Variants in LRIF1 observed in about 807,000 individuals in gnomAD.
LRIF1 encodes ligand-dependent nuclear receptor-interacting factor 1.
In LRIF1, 32 loss-of-function variants were observed where a neutral mutation model predicts 52.7. The ratio of observed to expected loss-of-function variants is 0.61; its 90% CI spans 0.46 to 0.82. The LOEUF (loss-of-function observed/expected upper bound fraction) is 0.82, where lower values mean the gene tolerates loss of function less well. Ranked by LOEUF, LRIF1 falls within the 40% of genes least tolerant of loss-of-function variation. LRIF1 has a pLI of 0.00. For synonymous variants in LRIF1, 323 were observed against 317.4 expected, an observed-to-expected ratio of 1.02 and a Z score of -0.19; for missense variants, 887 against 892.0, an observed-to-expected ratio of 0.99 and a Z score of 0.07.
the LRIF1 span, among the ~76,000 whole-genome samples, chr1:110,890,291 G>A: frequency 6.6e-6 from 1 of 152,202 alleles, no homozygotes; most frequent in Non-Finnish European, 1.5e-5. Flanking sequence ...TTCTGGCCAG[G>A]TGCGGTAGCT....
chr1:110,892,665 G>C, the LRIF1 span: 1 of 759,392 alleles, frequency 1.3e-6, no homozygotes, highest in African/African-American at 1.7e-5. Flanking sequence ...CCTCAGATCA[G>C]CCAAGTCTGC....
chr1:110,961,099 T>C (rs1422325877), intron 1 of LRIF1, among the ~76,000 whole-genome samples: 7 of 152,206 alleles, frequency 4.6e-5, no homozygotes, highest in Non-Finnish European at 4.4e-5. Flanking sequence ...CATATCCTGC[T>C]TTTATCTTTA....
chr1:110,954,441 C>T (rs112058147), intron 1 of LRIF1, among the ~76,000 whole-genome samples: 4 of 152,164 alleles, frequency 2.6e-5, no homozygotes, highest in East Asian at 3.9e-4. Flanking sequence ...CCACCAAACC[C>T]GGCTAATTTT....
the LRIF1 span, among the ~76,000 whole-genome samples, chr1:110,904,529 C>A: frequency 6.6e-6 from 1 of 152,178 alleles, no homozygotes; most frequent in Non-Finnish European, 1.5e-5. Flanking sequence ...CCAATTTTAT[C>A]CAAGACCATC....
the LRIF1 span, among the ~76,000 whole-genome samples, chr1:110,879,142 C>A: frequency 1.3e-5 from 2 of 152,068 alleles, no homozygotes; most frequent in African/African-American, 4.8e-5. Flanking sequence ...CTGTTAGAAG[C>A]TAAGGGTTAC....
rs923092173 is a variant in LRIF1, at chr1:110,952,065, A to G, written c.819T>C (p.Ala273=). ...GACCACCTTTCAATTGTGTCTCTGTAGCAACATTCTTTGGAATTTGTGTGG... is the reference window on the plus strand; with the variant it reads ...GACCACCTTTCAATTGTGTCTCTGTGGCAACATTCTTTGGAATTTGTGTGG... ...LNTTQIPKNV[A]TETQLKGGQH... The change falls in exon 2 of 4, where the codon GCT becomes GCC. Residue 273 remains alanine (A), a synonymous_variant. Coordinates refer to ENST00000369763, the MANE Select transcript of LRIF1 (RefSeq NM_018372.4). The G allele has an allele frequency of 6.2e-7, 1 of 1,614,108 alleles. No individual in the cohort carries two copies. The highest frequency in any genetic ancestry group is 1.3e-5 in the African/African-American group (1 of 74,948).
chr1:110,958,649 T>A (rs1053550935), intron 1 of LRIF1, among the ~76,000 whole-genome samples: 1 of 152,094 alleles, frequency 6.6e-6, no homozygotes, highest in Non-Finnish European at 1.5e-5. Context: ...TCTCTTTTCC[T>A]CTATTTCACC....
rs1354343566 is a variant in LRIF1 at position 110,952,188 on chromosome 1, T to A, written c.696A>T (p.Val232=). The change falls in exon 2 of 4, where the codon GTA becomes GTT. Residue 232 remains valine (V), a synonymous_variant. Coordinates refer to ENST00000369763, the MANE Select transcript of LRIF1 (RefSeq NM_018372.4). ...CATTTTTCACTGTATTTACAGGAGA[T>A]ACATAAATAACGGTTGGCATTTGGG... The part of the protein sequence containing the change: ...EASQMPTVIY[V]SPVNTVKNVV... 1.2e-6 allele frequency: 2 copies of A among 1,614,218 alleles called. No homozygotes were observed. Among genetic ancestry groups the A allele is most frequent in the Non-Finnish European group, 1.7e-6 (2 of 1,180,024 alleles).
chr1:110,883,487 G>A, the LRIF1 span, among the ~76,000 whole-genome samples: 2 of 151,832 alleles, frequency 1.3e-5, no homozygotes, highest in Non-Finnish European at 2.9e-5. Flanking sequence ...ATCTTGTTCT[G>A]AGGAACATTG....
rs759763152 is a variant in LRIF1 at position 110,948,094 on chromosome 1, G to T, written c.2175C>A (p.Thr725=). The stretch of plus-strand genomic sequence containing the variant: ...GTGGTGTCACTGGGAAAATATCTTC[G>T]GTATAATTTTTATTGAAGAAATGAC... ...EQSHFFNKNY[T]EDIFPVTPPE... The change falls in exon 4 of 4, where the codon ACC becomes ACA. Residue 725 remains threonine (T), a synonymous_variant. Transcript: ENST00000369763. 2.5e-6 allele frequency: 4 copies of T among 1,613,736 alleles called. No homozygotes were observed. Among genetic ancestry groups the T allele is most frequent in the Non-Finnish European group, 3.4e-6 (4 of 1,179,896 alleles).
the LRIF1 span, among the ~76,000 whole-genome samples, chr1:110,879,862 C>G: frequency 6.6e-6 from 1 of 152,262 alleles, no homozygotes; most frequent in Admixed American, 6.5e-5. Flanking sequence ...GCCACCATGG[C>G]GAGCCTGATC....
intron 1 of LRIF1, among the ~76,000 whole-genome samples, chr1:110,957,367 G>A (rs1384840623): frequency 1.3e-5 from 2 of 149,570 alleles, no homozygotes; most frequent in Non-Finnish European, 3.0e-5. Context: ...CAGCTACTCA[G>A]GAGGCTGAGG....
chr1:110,901,425 C>G, the LRIF1 span, among the ~76,000 whole-genome samples: 1 of 149,894 alleles, frequency 6.7e-6, no homozygotes, highest in Non-Finnish European at 1.5e-5. Context: ...ATCTGCCCAC[C>G]TTGGCTTCCC....
At chr1:110,922,754 C>T in the LRIF1 span, among the ~76,000 whole-genome samples, 113 of 152,218 alleles carry the variant, frequency 7.4e-4, no homozygotes, top group Non-Finnish European at 1.1e-3. Context: ...ATATCAGATG[C>T]CCAGAATGAG....
the LRIF1 span, among the ~76,000 whole-genome samples, chr1:110,898,760 A>T: frequency 6.6e-6 from 1 of 152,168 alleles, no homozygotes; most frequent in Non-Finnish European, 1.5e-5. Context: ...AAGCTCAGAG[A>T]AAATGATTTT....
At chr1:110,910,570 C>T in the LRIF1 span, among the ~76,000 whole-genome samples, 1 of 152,166 alleles carries the variant, frequency 6.6e-6, no homozygotes, top group Non-Finnish European at 1.5e-5. Flanking sequence ...CATTGCACTC[C>T]AGCCTGGGCA....
the LRIF1 span, chr1:110,938,060 A>G: frequency 5.3e-5 from 8 of 152,228 alleles, no homozygotes; most frequent in East Asian, 1.4e-3. Context: ...GATCAAAGTC[A>G]TAATAAAAAG....
rs1658300542 is a variant in LRIF1 at position 110,948,347 on chromosome 1, A to G, written c.1922T>C (p.Ile641Thr). Residue 641 changes from isoleucine to threonine, a missense_variant, in exon 4 of 4, where the codon ATA becomes ACA. Physicochemically the swap from Ile to Thr is moderately conservative, Grantham distance 89 (BLOSUM62 -1). Coordinates refer to ENST00000369763, the MANE Select transcript of LRIF1 (RefSeq NM_018372.4). ...AGCATTCTCTGTTTTTCTCTTCTTTATGTGATCCATCTTCTTATTAGTTTT... is the reference window on the plus strand; with the variant it reads ...AGCATTCTCTGTTTTTCTCTTCTTTGTGTGATCCATCTTCTTATTAGTTTT... Reference protein sequence around the residue: ...KAKTNKKMDHIKKRKTENAYN... With the variant: ...KAKTNKKMDHTKKRKTENAYN... 6.2e-7 allele frequency: 1 copy of G among 1,613,672 alleles called. No individual in the cohort carries two copies. Among genetic ancestry groups the G allele is most frequent in the Non-Finnish European group, 8.5e-7 (1 of 1,179,890 alleles).
chr1:110,882,353 T>C, the LRIF1 span, among the ~76,000 whole-genome samples: 2 of 152,096 alleles, frequency 1.3e-5, no homozygotes. Context: ...GTATTCTTCA[T>C]TCTGTAATAT....
Sources: gnomAD v4.1 joint callset for allele counts (sites outside exome capture counted in the v4.1 genomes callset) on GRCh38, gnomAD v4.1.1 for gene constraint, MANE v1.5 for transcripts, NCBI Gene and HGNC (gene_info 2026-07-23, HGNC 2026-07-21) for gene names.